The following SNTG1 variants were observed in gnomAD, a reference collection of about 807,000 sequenced individuals.
SNTG1 encodes the protein gamma-1-syntrophin.
SNTG1 carries 39 observed loss-of-function variants against 74.7 expected under a neutral mutation model. That is an observed-to-expected ratio of 0.52 (90% confidence interval 0.40 to 0.68). The LOEUF is 0.68. SNTG1 is among the 30% of genes least tolerant of loss of function. The pLI, the probability that SNTG1 is intolerant of heterozygous loss-of-function variation, is 0.00. For synonymous variants in SNTG1, 254 were observed against 217.1 expected, an observed-to-expected ratio of 1.17 and a Z score of -1.49; for missense variants, 685 against 609.5, an observed-to-expected ratio of 1.12 and a Z score of -1.30.
intron 4 of SNTG1, among the ~76,000 whole-genome samples, chr8:50,414,727 T>C (rs2092993149): frequency 6.6e-6 from 1 of 151,964 alleles, no homozygotes; most frequent in African/African-American, 2.4e-5. Context: ...AGACTCAAGA[T>C]TAGTTGTGTG....
intron 1 of SNTG1, among the ~76,000 whole-genome samples, chr8:50,102,907 C>A: frequency 6.7e-6 from 1 of 150,310 alleles, no homozygotes; most frequent in South Asian, 2.1e-4. Context: ...CTGTTCTGTT[C>A]CATTGATCTA....
intron 2 of SNTG1, among the ~76,000 whole-genome samples, chr8:50,345,486 T>C (rs1031833516): frequency 1.3e-5 from 2 of 152,172 alleles, no homozygotes; most frequent in Non-Finnish European, 2.9e-5. Context: ...CCCCATAAGG[T>C]CTTGGCTCTG....
chr8:50,781,939 G>C (rs60480582), intron 18 of SNTG1, among the ~76,000 whole-genome samples: 1 of 151,976 alleles, frequency 6.6e-6, no homozygotes, highest in Non-Finnish European at 1.5e-5. Flanking sequence ...GTCTGTAAAG[G>C]ATTTTATTTC....
At chr8:50,092,130 C>T (rs1197527950) in intron 1 of SNTG1, among the ~76,000 whole-genome samples, 1 of 152,078 alleles carries the variant, frequency 6.6e-6, no homozygotes, top group East Asian at 1.9e-4. Context: ...GTTTTGTGTC[C>T]TTTAGTTTTC....
intron 1 of SNTG1, among the ~76,000 whole-genome samples, chr8:49,998,228 G>A (rs1814417163): frequency 6.6e-6 from 1 of 152,114 alleles, no homozygotes; most frequent in African/African-American, 2.4e-5. Context: ...TACCACAAAT[G>A]GAACTTGCAG....
At chr8:50,168,860 C>T (rs961547345) in intron 1 of SNTG1, among the ~76,000 whole-genome samples, 18 of 152,162 alleles carry the variant, frequency 1.2e-4, no homozygotes, top group African/African-American at 4.1e-4. Context: ...CCAAATTTAA[C>T]ATCTTGCATA....
intron 4 of SNTG1, among the ~76,000 whole-genome samples, chr8:50,433,416 C>T (rs941796239): frequency 6.6e-6 from 1 of 151,324 alleles, no homozygotes; most frequent in Non-Finnish European, 1.5e-5. Context: ...GCCTTATTCC[C>T]AATCTTGCAG....
chr8:50,292,022 T>G (rs1321492152), intron 2 of SNTG1, among the ~76,000 whole-genome samples: 1 of 151,998 alleles, frequency 6.6e-6, no homozygotes. Flanking sequence ...AATGTTTGGT[T>G]TGAAATGTCT....
At chr8:50,317,876 G>T (rs955385638) in intron 2 of SNTG1, among the ~76,000 whole-genome samples, 1 of 151,958 alleles carries the variant, frequency 6.6e-6, no homozygotes, top group Admixed American at 6.6e-5. Context: ...TCGCTCTGTC[G>T]CCCAGGCTTG....
intron 2 of SNTG1, among the ~76,000 whole-genome samples, chr8:50,293,900 A>T (rs952391459): frequency 1.3e-5 from 2 of 152,206 alleles, no homozygotes; most frequent in Non-Finnish European, 2.9e-5. Context: ...ATCTTCAGAA[A>T]TAATTCAATA....
chr8:50,039,602 C>A (rs1205324979), intron 1 of SNTG1, among the ~76,000 whole-genome samples: 1 of 151,828 alleles, frequency 6.6e-6, no homozygotes. Flanking sequence ...ATATTATCTT[C>A]CTTTAATCTT....
At chr8:50,445,620 T>C (rs2093399552) in intron 5 of SNTG1, among the ~76,000 whole-genome samples, 1 of 152,212 alleles carries the variant, frequency 6.6e-6, no homozygotes. Flanking sequence ...ATCACAAAGC[T>C]GAACGATGTA....
At chr8:50,153,919 C>T (rs2082162140) in intron 1 of SNTG1, among the ~76,000 whole-genome samples, 1 of 152,156 alleles carries the variant, frequency 6.6e-6, no homozygotes, top group Admixed American at 6.5e-5. Context: ...AACCACTACT[C>T]TCTTTGAAGC....
chr8:50,675,239 A>T (rs745671833), intron 15 of SNTG1, among the ~76,000 whole-genome samples: 14 of 151,862 alleles, frequency 9.2e-5, no homozygotes, highest in Non-Finnish European at 2.1e-4. Flanking sequence ...TCTCTCATTC[A>T]TCTTTCTAAT....
chr8:50,613,215 G>A (rs1033292901), intron 13 of SNTG1, among the ~76,000 whole-genome samples: 1 of 152,160 alleles, frequency 6.6e-6, no homozygotes, highest in African/African-American at 2.4e-5. Flanking sequence ...AAAGACTTGG[G>A]TGAAGTTCGT....
At chr8:50,148,930 G>C (rs1362549699) in intron 1 of SNTG1, among the ~76,000 whole-genome samples, 1 of 152,118 alleles carries the variant, frequency 6.6e-6, no homozygotes, top group South Asian at 2.1e-4. Flanking sequence ...GGGATGGCTG[G>C]GTGAAATGGT....
At chr8:50,713,277 T>TTTG (rs1438196218) in intron 17 of SNTG1, among the ~76,000 whole-genome samples, 5 of 152,210 alleles carry the variant, frequency 3.3e-5, no homozygotes, top group African/African-American at 1.2e-4. Flanking sequence ...TTTTCATATG[T>TTTG]TTGTTGCCTA....
Position 50,318,486 on chromosome 8 carries a change from T to C in SNTG1, c.-27-75726T>C, listed in dbSNP as rs568375960. On this transcript the variant is annotated intron_variant, in intron 2 of 18. Coordinates refer to ENST00000642720, the MANE Select transcript of SNTG1 (RefSeq NM_018967.5). ...GGAAAGAAAGATAATGCCTGATTCA[T>C]TGCCCTCCATCACTTCACAGCAGAG... Among the ~76,000 whole-genome samples the C allele has an allele frequency of 6.6e-5, 10 of 152,288 alleles. No homozygotes were observed. The South Asian group carries it at 1.9e-3, about 28-fold the overall frequency.
intron 17 of SNTG1, among the ~76,000 whole-genome samples, chr8:50,742,621 T>C (rs948966313): frequency 6.6e-6 from 1 of 151,300 alleles, no homozygotes; most frequent in African/African-American, 2.4e-5. Context: ...ACATTACATC[T>C]TAAAGAAGTA....
Sources: allele counts gnomAD v4.1 joint callset (sites outside exome capture counted in the v4.1 genomes callset), GRCh38; gene constraint gnomAD v4.1.1; transcripts MANE v1.5; gene names NCBI Gene and HGNC (gene_info 2026-07-23, HGNC 2026-07-21).